GPATCH2: variants seen among roughly 807,000 people sequenced by gnomAD.
GPATCH2 encodes the protein G-patch domain containing 2, also known as G patch domain-containing protein 2.
GPATCH2 carries 51 observed loss-of-function variants against 58.0 expected under a neutral mutation model. That is an observed-to-expected ratio of 0.88 (90% confidence interval 0.70 to 1.11). The LOEUF is 1.11. Among genes scored for constraint, GPATCH2 ranks in the 50% most tolerant of loss-of-function variants. GPATCH2 has a pLI of 0.00. For synonymous variants in GPATCH2, 222 were observed against 218.5 expected (o/e 1.02, Z -0.14); for missense variants, 625 against 652.2 (o/e 0.96, Z 0.45).
At chr1:217,528,832 G>A (rs1160072628) in intron 5 of GPATCH2, among the ~76,000 whole-genome samples, 1 of 152,186 alleles carries the variant, frequency 6.6e-6, no homozygotes, top group East Asian at 1.9e-4. Flanking sequence ...CCTCTTGAGG[G>A]GACCAGGGTG....
rs377720692 is a variant in GPATCH2, at chr1:217,493,572, T to C, written c.1207-1822A>G. On this transcript the variant is annotated intron_variant, in intron 7 of 9. Coordinates refer to ENST00000366935, the MANE Select transcript of GPATCH2 (RefSeq NM_018040.5). ...ACAGGAAGTGAGATCTGGTATCTGA[T>C]ATGTAGCTGAAGCCATATCTCATTA... Among the ~76,000 whole-genome samples the C allele has an allele frequency of 2.0e-3, 311 of 152,256 alleles. 2 individuals carry two copies. Among genetic ancestry groups the C allele is most frequent in the African/African-American group, 6.7e-3 (277 of 41,550 alleles).
chr1:217,561,134 C>T (rs1180389089), intron 5 of GPATCH2, among the ~76,000 whole-genome samples: 2 of 152,162 alleles, frequency 1.3e-5, no homozygotes, highest in Non-Finnish European at 2.9e-5. Context: ...ACTATTTGTG[C>T]ATTATTTACA....
chr1:217,509,446 C>T (rs1662730992), intron 6 of GPATCH2, among the ~76,000 whole-genome samples: 1 of 152,160 alleles, frequency 6.6e-6, no homozygotes, highest in Non-Finnish European at 1.5e-5. Context: ...AACCTGCAAT[C>T]CCATCATCCA....
intron 1 of GPATCH2, among the ~76,000 whole-genome samples, chr1:217,629,279 A>G (rs1335140358): frequency 2.0e-5 from 3 of 152,186 alleles, no homozygotes; most frequent in African/African-American, 7.2e-5. Context: ...AGTTTTCTGG[A>G]ACATATTCAT....
chr1:217,564,097 A>T (rs1666078767), intron 5 of GPATCH2, among the ~76,000 whole-genome samples: 1 of 149,596 alleles, frequency 6.7e-6, no homozygotes, highest in African/African-American at 2.5e-5. Context: ...ACGATAATTT[A>T]TTCCAGAATA....
intron 5 of GPATCH2, among the ~76,000 whole-genome samples, chr1:217,570,607 C>CTTTGTCCTGGAATTATATTTT (rs1558493113): frequency 5.3e-5 from 8 of 151,900 alleles, no homozygotes; most frequent in African/African-American, 1.4e-4. Context: ...AATTATATTT[C>CTTTGTCCTGGAATTATATTTT]CTTTGTAGCT....
chr1:217,577,331 T>C (rs1009333047), intron 5 of GPATCH2, among the ~76,000 whole-genome samples: 5 of 152,188 alleles, frequency 3.3e-5, no homozygotes, highest in Admixed American at 3.3e-4. Flanking sequence ...TATACTGTAA[T>C]ATTTAAGAGC....
intron 2 of GPATCH2, among the ~76,000 whole-genome samples, chr1:217,616,987 T>C (rs577265304): frequency 1.3e-5 from 2 of 150,840 alleles, no homozygotes; most frequent in Admixed American, 1.3e-4. Context: ...CGTAATTCAC[T>C]TCCCACTTAA....
At chr1:217,523,373 C>T (rs1391143527) in intron 5 of GPATCH2, among the ~76,000 whole-genome samples, 21 of 151,518 alleles carry the variant, frequency 1.4e-4, no homozygotes, top group African/African-American at 4.9e-4. Context: ...GTGGTGATGA[C>T]TCTTAACGAG....
intron 5 of GPATCH2, among the ~76,000 whole-genome samples, chr1:217,602,476 GA>G (rs1216146391): frequency 6.6e-6 from 1 of 152,140 alleles, no homozygotes; most frequent in African/African-American, 2.4e-5. Flanking sequence ...TAAGTTACAT[GA>G]GAAAGGAGGG....
At chr1:217,484,760 G>T (rs1661382906) in intron 8 of GPATCH2, among the ~76,000 whole-genome samples, 1 of 149,822 alleles carries the variant, frequency 6.7e-6, no homozygotes, top group Admixed American at 6.7e-5. Context: ...AGGAGGTATA[G>T]GTATATATAG....
intron 8 of GPATCH2, among the ~76,000 whole-genome samples, chr1:217,470,044 C>G (rs560955896): frequency 6.6e-6 from 1 of 152,274 alleles, no homozygotes; most frequent in Admixed American, 6.5e-5. Context: ...AGTAGTGATA[C>G]AAGCTGTTGT....
At chr1:217,578,058 T>C (rs933661892) in intron 5 of GPATCH2, among the ~76,000 whole-genome samples, 2 of 127,282 alleles carry the variant, frequency 1.6e-5, no homozygotes, top group African/African-American at 2.9e-5. Context: ...GGTTTTATTT[T>C]ATACTGCAAA....
intron 7 of GPATCH2, among the ~76,000 whole-genome samples, chr1:217,497,088 T>G (rs1558434970): frequency 6.6e-6 from 1 of 152,176 alleles, no homozygotes; most frequent in East Asian, 1.9e-4. Flanking sequence ...AAACCTAGAT[T>G]TATAACATTG....
intron 5 of GPATCH2, among the ~76,000 whole-genome samples, chr1:217,547,145 C>T (rs971106776): frequency 2.6e-5 from 4 of 152,022 alleles, no homozygotes; most frequent in East Asian, 1.9e-4. Context: ...AGGCAGATCA[C>T]GAGGTCAGGA....
At chr1:217,440,631 TCTC>T (rs1481331127) in intron 9 of GPATCH2, among the ~76,000 whole-genome samples, 1 of 152,068 alleles carries the variant, frequency 6.6e-6, no homozygotes, top group Non-Finnish European at 1.5e-5. Flanking sequence ...CAGCCCAAAA[TCTC>T]CTTAAGCTGA....
chr1:217,587,943 C>T lies in GPATCH2; in HGVS notation c.1098+22378G>A, dbSNP rs531541552. On this transcript the variant is annotated intron_variant, in intron 5 of 9. Transcript: ENST00000366935. ...AAGAATTGAGTATTTCAGTTGAATA[C>T]CTCAAAAATAAAGAATGCATTGAAC... Among the ~76,000 whole-genome samples, 9 of 152,138 alleles carry T rather than the reference C, an allele frequency of 5.9e-5. No homozygotes were observed. The South Asian group carries it at 6.2e-4, about 11-fold the overall frequency.
At chr1:217,603,755 T>G (rs1054416631) in intron 5 of GPATCH2, among the ~76,000 whole-genome samples, 1 of 152,080 alleles carries the variant, frequency 6.6e-6, no homozygotes, top group Non-Finnish European at 1.5e-5. Context: ...CCCTAGTAGC[T>G]GGGATTACAG....
chr1:217,473,367 A>G (rs1178348351), intron 8 of GPATCH2, among the ~76,000 whole-genome samples: 2 of 151,810 alleles, frequency 1.3e-5, no homozygotes, highest in Non-Finnish European at 2.9e-5. Flanking sequence ...TTCAAAAACC[A>G]TGCCTGTTGA....
Sources: allele counts gnomAD v4.1 joint callset (sites outside exome capture counted in the v4.1 genomes callset), GRCh38; gene constraint gnomAD v4.1.1; transcripts MANE v1.5; gene names NCBI Gene and HGNC (gene_info 2026-07-23, HGNC 2026-07-21).